Variants in DAB2IP observed in about 807,000 individuals in gnomAD.
The protein encoded by DAB2IP is disabled homolog 2-interacting protein.
A neutral mutation model predicts 107.2 loss-of-function variants in DAB2IP; 28 were observed. The observed-to-expected ratio is 0.26, with a 90% CI of 0.19 to 0.36. The LOEUF is 0.36. Among genes scored for constraint, DAB2IP ranks in the 10% least tolerant of loss-of-function variants. The pLI, the probability that DAB2IP is intolerant of heterozygous loss-of-function variation, is 1.00. For synonymous variants in DAB2IP, 755 were observed against 706.4 expected (o/e 1.07, Z -1.09); for missense variants, 1,400 against 1,644.7 (o/e 0.85, Z 2.57).
chr9:121,712,883 C>T (rs543932574), intron 3 of DAB2IP, among the ~76,000 whole-genome samples: 5 of 152,336 alleles, frequency 3.3e-5, no homozygotes, highest in African/African-American at 7.2e-5. Flanking sequence ...AATGTGCCAG[C>T]GTGTGTCTGA....
intron 3 of DAB2IP, among the ~76,000 whole-genome samples, chr9:121,747,249 C>A (rs566574079): frequency 6.6e-6 from 1 of 152,162 alleles, no homozygotes; most frequent in South Asian, 2.1e-4. Context: ...CAGGGTTGTC[C>A]CTGCTCAGAA....
intron 1 of DAB2IP, among the ~76,000 whole-genome samples, chr9:121,632,532 C>G (rs755930284): frequency 2.6e-4 from 39 of 152,122 alleles, no homozygotes; most frequent in Admixed American, 7.9e-4. Context: ...CAGGACACCC[C>G]CTCCCCTGCC....
At chr9:121,783,418 C>A in exon 16 of DAB2IP, 1 of 1,601,686 alleles carries the variant, frequency 6.2e-7, no homozygotes, top group South Asian at 1.1e-5. Flanking sequence ...GGGAGTGCCA[C>A]CTGGTGCTCA....
chr9:121,603,741 AG>A (rs780391534), intron 1 of DAB2IP, among the ~76,000 whole-genome samples: 1 of 152,084 alleles, frequency 6.6e-6, no homozygotes, highest in Non-Finnish European at 1.5e-5. Flanking sequence ...TTTTCTGTAA[AG>A]GGGCTGAAGG....
At chr9:121,600,858 C>T (rs1173382318) in intron 1 of DAB2IP, among the ~76,000 whole-genome samples, 3 of 152,076 alleles carry the variant, frequency 2.0e-5, no homozygotes, top group Non-Finnish European at 4.4e-5. Context: ...CGAGGTGAGG[C>T]GTAGAAGGCG....
chr9:121,658,670 C>T (rs556346646), intron 1 of DAB2IP, among the ~76,000 whole-genome samples: 12 of 152,002 alleles, frequency 7.9e-5, no homozygotes, highest in East Asian at 7.7e-4. Flanking sequence ...ATAATAATAA[C>T]GAGAAAAAAA....
chr9:121,582,259 G>A (rs1269690203), intron 1 of DAB2IP, among the ~76,000 whole-genome samples: 2 of 152,102 alleles, frequency 1.3e-5, no homozygotes, highest in East Asian at 1.9e-4. Flanking sequence ...TTCCTGACTC[G>A]TGGTCCTGGG....
chr9:121,669,521 T>C (rs1331336147), intron 1 of DAB2IP, among the ~76,000 whole-genome samples: 2 of 152,138 alleles, frequency 1.3e-5, no homozygotes, highest in East Asian at 1.9e-4. Flanking sequence ...GTTGGGTGAC[T>C]TGGGGGAGGT....
intron 1 of DAB2IP, among the ~76,000 whole-genome samples, chr9:121,629,869 C>T (rs75857198): frequency 1.3e-5 from 2 of 152,142 alleles, no homozygotes; most frequent in Non-Finnish European, 1.5e-5. Context: ...TTCCCTCAAA[C>T]CCCCGCCTCT....
Position 121,763,243 on chromosome 9 carries a change from GCT to G in DAB2IP, c.1171-258_1171-257del, listed in dbSNP as rs199967220. Among the ~76,000 whole-genome samples the G allele has an allele frequency of 5.3e-3, 809 of 152,288 alleles. 9 individuals are homozygous for G. Among genetic ancestry groups the G allele is most frequent in the African/African-American group, 0.018 (764 of 41,570 alleles). On this transcript the variant is annotated intron_variant, in intron 6 of 15. Transcript: ENST00000408936. ...GGGGGCTTGTGGCTCCACGTGGCAT[GCT>G]CTCATTCAGGCTGCCTCCATCCATA...
intron 1 of DAB2IP, among the ~76,000 whole-genome samples, chr9:121,619,000 G>C (rs1382875088): frequency 1.3e-5 from 2 of 152,158 alleles, no homozygotes; most frequent in Non-Finnish European, 2.9e-5. Flanking sequence ...CCAATTATGT[G>C]GTTGGGAGCC....
intron 6 of DAB2IP, 21 bp from the exon 7 acceptor site, chr9:121,763,484 C>G (rs1264836979): frequency 1.2e-6 from 2 of 1,603,876 alleles, no homozygotes; most frequent in African/African-American, 2.7e-5. Flanking sequence ...GTCCTGCTCT[C>G]TCCACCTCCT....
intron 1 of DAB2IP, among the ~76,000 whole-genome samples, chr9:121,579,998 G>A (rs1254728131): frequency 2.6e-5 from 4 of 152,136 alleles, no homozygotes; most frequent in Non-Finnish European, 4.4e-5. Flanking sequence ...ATTCTGGGTA[G>A]GAACGATGCC....
In DAB2IP at chr9:121,782,606, C is replaced by T; in HGVS notation, c.*108C>T. On this transcript the variant is annotated 3_prime_UTR_variant, in exon 16 of 16. Transcript: ENST00000408936. The surrounding 1 kb of genome is among the most constrained non-coding windows in gnomAD (Gnocchi z 6.1). The stretch of plus-strand genomic sequence containing the variant: ...ACGGTTGCAGCCCCAGCGCGGGTGT[C>T]AGGAGGCCGAGCCTCCCCTCCCTGC... The T allele has an allele frequency of 1.3e-6, 2 of 1,524,276 alleles. No homozygotes were observed. Among genetic ancestry groups the T allele is most frequent in the South Asian group, 1.3e-5 (1 of 78,150 alleles). 94.4% of individuals were successfully genotyped at this position (1,524,276 alleles called of 1,614,324 possible).
chr9:121,671,049 G>A (rs1329149233), intron 1 of DAB2IP, among the ~76,000 whole-genome samples: 3 of 152,236 alleles, frequency 2.0e-5, no homozygotes, highest in Non-Finnish European at 4.4e-5. Context: ...TACTCGGGAT[G>A]CTGAGGCAGG....
chr9:121,607,184 C>G (rs559542868), intron 1 of DAB2IP, among the ~76,000 whole-genome samples: 2 of 152,132 alleles, frequency 1.3e-5, no homozygotes, highest in African/African-American at 2.4e-5. Context: ...GTGACAGTGG[C>G]TGATACCTAG....
intron 1 of DAB2IP, among the ~76,000 whole-genome samples, chr9:121,643,473 A>T (rs1020848624): frequency 4.0e-5 from 6 of 151,528 alleles, no homozygotes; most frequent in African/African-American, 9.7e-5. Context: ...ATTCTCCCTG[A>T]TCTCACCCCT....
At chr9:121,703,799 A>G (rs1226280436) in intron 3 of DAB2IP, among the ~76,000 whole-genome samples, 1 of 152,202 alleles carries the variant, frequency 6.6e-6, no homozygotes. Context: ...CAGTTTTCTC[A>G]TCCACAGTGT....
chr9:121,590,258 G>C (rs780974907), intron 1 of DAB2IP, among the ~76,000 whole-genome samples: 1 of 149,392 alleles, frequency 6.7e-6, no homozygotes, highest in East Asian at 2.0e-4. Flanking sequence ...ACACTAGATC[G>C]GAGCTGCTTT....
Sources: allele counts gnomAD v4.1 joint callset (sites outside exome capture counted in the v4.1 genomes callset), GRCh38; gene constraint gnomAD v4.1.1; non-coding constraint Gnocchi (gnomAD v3.1); transcripts MANE v1.5; gene names NCBI Gene and HGNC (gene_info 2026-07-23, HGNC 2026-07-21).